The following HGSNAT variants were observed in gnomAD, a reference collection of about 807,000 sequenced individuals.
HGSNAT encodes the protein transmembrane protein 76.
A neutral mutation model predicts 85.2 loss-of-function variants in HGSNAT; 59 were observed. The observed-to-expected ratio is 0.69, with a 90% CI of 0.56 to 0.86. The LOEUF (loss-of-function observed/expected upper bound fraction) is 0.86, where lower values mean the gene tolerates loss of function less well. Among genes scored for constraint, HGSNAT ranks in the 40% least tolerant of loss-of-function variants. HGSNAT has a pLI of 0.00. For synonymous variants in HGSNAT, 321 were observed against 304.5 expected, an observed-to-expected ratio of 1.05 and a Z score of -0.56; for missense variants, 756 against 777.1, an observed-to-expected ratio of 0.97 and a Z score of 0.32.
At chr8:43,198,490 TG>T (rs1804808459) in intron 17 of HGSNAT, among the ~76,000 whole-genome samples, 1 of 152,020 alleles carries the variant, frequency 6.6e-6, no homozygotes, top group East Asian at 1.9e-4. Flanking sequence ...GATTTCACAG[TG>T]TTAGCTAGGA....
chr8:43,182,970 T>TTTTCCTC (rs999178084), intron 11 of HGSNAT, among the ~76,000 whole-genome samples: 3 of 152,230 alleles, frequency 2.0e-5, no homozygotes, highest in African/African-American at 7.2e-5. Flanking sequence ...ATGCATTCTT[T>TTTTCCTC]TTTCCTCTTA....
intron 8 of HGSNAT, among the ~76,000 whole-genome samples, 161 bp downstream of exon 8, chr8:43,172,547 G>A (rs527272516): frequency 6.6e-6 from 1 of 152,316 alleles, no homozygotes; most frequent in South Asian, 2.1e-4. Context: ...ACCTGTAGAT[G>A]ATTCTGCGAG....
chr8:43,182,495 G>A, intron 11 of HGSNAT: 1 of 526,310 alleles, frequency 1.9e-6, no homozygotes, highest in Non-Finnish European at 3.5e-6. Flanking sequence ...CCAGGCTGGG[G>A]TGCAGTGGTG....
chr8:43,184,776 C>T, intron 11 of HGSNAT, among the ~76,000 whole-genome samples: 1 of 152,190 alleles, frequency 6.6e-6, no homozygotes, highest in East Asian at 1.9e-4. Context: ...TTAGGTCTAA[C>T]ATTTAAGTCT....
chr8:43,150,342 T>C (rs1029986022), intron 2 of HGSNAT, among the ~76,000 whole-genome samples: 1 of 152,076 alleles, frequency 6.6e-6, no homozygotes, highest in African/African-American at 2.4e-5. Flanking sequence ...AAAAGAAGAC[T>C]GAGCCCTGCG....
chr8:43,161,340 T>G, intron 4 of HGSNAT, 98 bp from the exon 5 acceptor site: 1 of 916,650 alleles, frequency 1.1e-6, no homozygotes, highest in South Asian at 1.5e-5. Context: ...AGGCTTCCCC[T>G]CACTGGTTTT....
At chr8:43,150,657 C>T (rs1802881352) in intron 2 of HGSNAT, among the ~76,000 whole-genome samples, 2 of 152,004 alleles carry the variant, frequency 1.3e-5, no homozygotes, top group South Asian at 4.1e-4. Context: ...CACGGTGAAA[C>T]CCTGTCTCTA....
At chr8:43,171,769 G>A (rs1259465015) in intron 7 of HGSNAT, among the ~76,000 whole-genome samples, 2 of 152,180 alleles carry the variant, frequency 1.3e-5, no homozygotes. Flanking sequence ...TCTAAAATAT[G>A]CTGGGCACTG....
chr8:43,150,095 T>G lies in HGSNAT; in HGVS notation c.234+3032T>G, dbSNP rs565116528. On this transcript the variant is annotated intron_variant, in intron 2 of 17. Coordinates refer to ENST00000379644, the MANE Select transcript of HGSNAT (RefSeq NM_152419.3). ...CCTCAGCCTCCCGAGTAGTTGGGAC[T>G]ACAGGCGCCCGCCACCGCACCCAGT... 1.5e-4 allele frequency among the ~76,000 whole-genome samples: 23 copies of G among 152,198 alleles called. No individual in the cohort carries two copies. The East Asian group carries it at 4.1e-3, about 27-fold the overall frequency.
At chr8:43,164,430 G>A (rs772146737) in intron 5 of HGSNAT, among the ~76,000 whole-genome samples, 3 of 151,816 alleles carry the variant, frequency 2.0e-5, no homozygotes, top group Non-Finnish European at 2.9e-5. Flanking sequence ...GAGCAGTGGT[G>A]CCATCACAGC....
intron 14 of HGSNAT, chr8:43,196,516 A>G (rs892164313): frequency 7.8e-7 from 1 of 1,290,272 alleles, no homozygotes; most frequent in South Asian, 1.2e-5. Flanking sequence ...CCTGCCTGGA[A>G]GTAAGAGCCA....
intron 1 of HGSNAT, among the ~76,000 whole-genome samples, chr8:43,141,235 C>A (rs903083694): frequency 2.0e-5 from 3 of 152,146 alleles, no homozygotes; most frequent in African/African-American, 4.8e-5. Context: ...CGGTCCCGGG[C>A]GAGCCCTCCG....
intron 1 of HGSNAT, among the ~76,000 whole-genome samples, chr8:43,144,590 T>C (rs1372288404): frequency 2.0e-5 from 3 of 152,270 alleles, no homozygotes; most frequent in African/African-American, 2.4e-5. Context: ...TATCCCACTA[T>C]GTCATACTCC....
chr8:43,193,658 C>A, intron 13 of HGSNAT, 99 bp from the exon 14 acceptor site: 2 of 714,400 alleles, frequency 2.8e-6, no homozygotes, highest in Admixed American at 2.5e-5. Flanking sequence ...AAAACCATGA[C>A]ATACTGGAGT....
intron 2 of HGSNAT, among the ~76,000 whole-genome samples, chr8:43,155,095 C>G (rs1377903727): frequency 4.0e-5 from 6 of 151,894 alleles, no homozygotes; most frequent in Admixed American, 6.6e-5. Context: ...GGATCTATAC[C>G]CAGTAGTGGG....
intron 2 of HGSNAT, among the ~76,000 whole-genome samples, chr8:43,154,715 G>A (rs1803036392): frequency 6.6e-6 from 1 of 152,144 alleles, no homozygotes; most frequent in South Asian, 2.1e-4. Flanking sequence ...CCAGTAAAGG[G>A]ATGGCTGGGT....
rs781682753 is a variant in HGSNAT, at chr8:43,161,487, C to T, written c.543C>T (p.Ser181=). 1.9e-6 allele frequency: 3 copies of T among 1,608,552 alleles called. No homozygotes were observed. Among genetic ancestry groups the T allele is most frequent in the Non-Finnish European group, 1.7e-6 (2 of 1,177,246 alleles). Residue 181 remains serine (S), a synonymous_variant, in exon 5 of 18, where the codon TCC becomes TCT. Coordinates refer to ENST00000379644, the MANE Select transcript of HGSNAT (RefSeq NM_152419.3). Reference sequence around the variant, plus strand: ...GTCTTGCTGTCATCATTGTGATATCCTTTCTGAGGCTCTTGTTGAGGTAAG... The same window carrying T: ...GTCTTGCTGTCATCATTGTGATATCTTTTCTGAGGCTCTTGTTGAGGTAAG... The part of the protein sequence containing the change: ...LIGLAVIIVI[S]FLRLLLSLDD...
rs1414788612 is a variant in HGSNAT, at chr8:43,185,490, A to G, written c.1128+3230A>G. On this transcript the variant is annotated intron_variant, in intron 11 of 17. Transcript: ENST00000379644. ...TGTGATTTTTGTACATTGATTTTGTATCCTGAGACTTTGCTGAAGTTGCTT... is the reference window on the plus strand; with the variant it reads ...TGTGATTTTTGTACATTGATTTTGTGTCCTGAGACTTTGCTGAAGTTGCTT... Among the ~76,000 whole-genome samples the G allele has an allele frequency of 2.0e-5, 3 of 152,322 alleles. No individual in the cohort carries two copies. In the East Asian group the frequency reaches 5.8e-4, roughly 29 times the overall value.
chr8:43,142,835 G>T (rs1802593811), intron 1 of HGSNAT, among the ~76,000 whole-genome samples: 1 of 152,150 alleles, frequency 6.6e-6, no homozygotes, highest in Non-Finnish European at 1.5e-5. Context: ...CCTAAAATTC[G>T]TGTGGATAAT....
Sources: allele counts gnomAD v4.1 joint callset (sites outside exome capture counted in the v4.1 genomes callset), GRCh38; gene constraint gnomAD v4.1.1; transcripts MANE v1.5; gene names NCBI Gene and HGNC (gene_info 2026-07-23, HGNC 2026-07-21).